Variants in CNTNAP3 observed in about 807,000 individuals in gnomAD.
The protein encoded by CNTNAP3 is contactin-associated protein-like 3.
A neutral mutation model predicts 92.1 loss-of-function variants in CNTNAP3; 36 were observed. The observed-to-expected ratio is 0.39, with a 90% CI of 0.30 to 0.52. CNTNAP3 has a LOEUF of 0.52. CNTNAP3 is among the 20% of genes least tolerant of loss of function. CNTNAP3 has a pLI of 0.76. For synonymous variants in CNTNAP3, 232 were observed against 422.3 expected, an observed-to-expected ratio of 0.55 and a Z score of 5.53; for missense variants, 534 against 1,069.6, an observed-to-expected ratio of 0.50 and a Z score of 6.98.
At chr9:39,162,090 G>A (rs1822088209) in intron 9 of CNTNAP3, among the ~76,000 whole-genome samples, 1 of 108,426 alleles carries the variant, frequency 9.2e-6, no homozygotes. Context: ...CACAAATTAT[G>A]CATCTGACAA....
chr9:39,097,688 A>C (rs1298093204), intron 18 of CNTNAP3, among the ~76,000 whole-genome samples: 1 of 147,458 alleles, frequency 6.8e-6, no homozygotes, highest in Non-Finnish European at 1.5e-5. Flanking sequence ...GGTAGAGAGG[A>C]AACCTCTGGC....
chr9:39,137,095 T>C (rs1821456340), intron 12 of CNTNAP3, among the ~76,000 whole-genome samples: 1 of 151,758 alleles, frequency 6.6e-6, no homozygotes, highest in Non-Finnish European at 1.5e-5. Flanking sequence ...TTCTTTCTTC[T>C]CCTAGAATTC....
At chr9:39,133,727 T>C (rs1480014899) in intron 12 of CNTNAP3, among the ~76,000 whole-genome samples, 1 of 151,912 alleles carries the variant, frequency 6.6e-6, no homozygotes, top group East Asian at 1.9e-4. Flanking sequence ...GCTGACATCA[T>C]TTCTGATGTA....
At chr9:39,076,503 T>G (rs1825767745) in intron 23 of CNTNAP3, among the ~76,000 whole-genome samples, 1 of 152,430 alleles carries the variant, frequency 6.6e-6, no homozygotes, top group African/African-American at 2.4e-5. Flanking sequence ...CTTACTGATT[T>G]CTAAGAGAAA....
At chr9:39,108,812 T>C (rs1826669609) in intron 15 of CNTNAP3, among the ~76,000 whole-genome samples, 1 of 152,198 alleles carries the variant, frequency 6.6e-6, no homozygotes, top group Admixed American at 6.5e-5. Context: ...CCTACCACTA[T>C]AGTTGTCTGA....
In CNTNAP3 at chr9:39,130,528, G is replaced by A. The variant is rs552389574; in HGVS notation, c.2080+2404C>T. 5.1e-5 allele frequency among the ~76,000 whole-genome samples: 7 copies of A among 137,074 alleles called. No homozygotes were observed. The South Asian group carries it at 6.8e-4, about 13-fold the overall frequency. The allele number at this position is 137,074 out of a possible 152,430, so 89.9% of individuals were successfully genotyped here. Reference sequence around the variant, plus strand: ...TTTTTTTTTTTTTTTGAGATGGAACGGAGTCTTGCTCTGTCGCCCAGGCTG... The same window carrying A: ...TTTTTTTTTTTTTTTGAGATGGAACAGAGTCTTGCTCTGTCGCCCAGGCTG... On this transcript the variant is annotated intron_variant, in intron 13 of 23. Transcript: ENST00000297668.
At chr9:39,136,378 A>G (rs1821436789) in intron 12 of CNTNAP3, among the ~76,000 whole-genome samples, 1 of 152,100 alleles carries the variant, frequency 6.6e-6, no homozygotes, top group Admixed American at 6.6e-5. Context: ...TGTCAGGAGC[A>G]TACATATTAA....
rs1825529393 is a variant in CNTNAP3 at position 39,067,306 on chromosome 9, G to T, written c.*6584C>A. ...GGTATGTGCTGGGTCATTTTAGATT[G>T]ATTTTTATCCTCATTATAGGTCCTA... On this transcript the variant is annotated 3_prime_UTR_variant, in exon 24 of 24. Transcript: ENST00000297668. Among the ~76,000 whole-genome samples the T allele has an allele frequency of 6.6e-6, 1 of 152,426 alleles. No individual in the cohort carries two copies.
At chr9:39,135,002 T>C (rs1269630841) in intron 12 of CNTNAP3, among the ~76,000 whole-genome samples, 1 of 152,164 alleles carries the variant, frequency 6.6e-6, no homozygotes, top group African/African-American at 2.4e-5. Flanking sequence ...AGAAATGCCC[T>C]CAGTACTGAG....
intron 12 of CNTNAP3, among the ~76,000 whole-genome samples, chr9:39,138,746 G>A (rs2104877): frequency 0.14 from 21,005 of 151,080 alleles, 1,007 homozygotes; most frequent in East Asian, 0.19. Context: ...CCAACAATTC[G>A]TCAATTAAGT....
At chr9:39,098,512 C>T (rs1826377296) in intron 18 of CNTNAP3, among the ~76,000 whole-genome samples, 1 of 152,100 alleles carries the variant, frequency 6.6e-6, no homozygotes, top group Non-Finnish European at 1.5e-5. Context: ...AATGTCTATC[C>T]TTAAGAAAAT....
At chr9:39,131,341 T>G (rs1326606926) in intron 13 of CNTNAP3, among the ~76,000 whole-genome samples, 1 of 152,170 alleles carries the variant, frequency 6.6e-6, no homozygotes, top group Non-Finnish European at 1.5e-5. Context: ...TGAGAAAGAT[T>G]AAGGAATGGC....
At chr9:39,168,444 CTA>C (rs1431786783) in intron 8 of CNTNAP3, among the ~76,000 whole-genome samples, 2 of 88,646 alleles carry the variant, frequency 2.3e-5, no homozygotes, top group Non-Finnish European at 4.5e-5. Flanking sequence ...CCTGGTTCCT[CTA>C]CCCCATCCCA....
intron 13 of CNTNAP3, among the ~76,000 whole-genome samples, chr9:39,130,495 C>CTTTTTTT (rs58074019): frequency 1.8e-5 from 2 of 111,196 alleles, no homozygotes; most frequent in African/African-American, 7.2e-5. Context: ...AGGAGGAATT[C>CTTTTTTT]TTTTTTTTTT....
At chr9:39,111,628 A>G (rs528609752) in intron 14 of CNTNAP3, among the ~76,000 whole-genome samples, 12 of 152,312 alleles carry the variant, frequency 7.9e-5, no homozygotes, top group African/African-American at 2.6e-4. Flanking sequence ...GGTGGTAGCC[A>G]TTAAAAATTA....
intron 18 of CNTNAP3, among the ~76,000 whole-genome samples, chr9:39,096,358 C>G (rs1162286611): frequency 6.7e-6 from 1 of 149,514 alleles, no homozygotes; most frequent in Non-Finnish European, 1.5e-5. Flanking sequence ...AGGCTAATAG[C>G]AGTGAATTCT....
chr9:39,154,856 C>T lies in CNTNAP3; in HGVS notation c.1478-4879G>A, dbSNP rs192780798. 107 of 227,448 alleles carry T rather than the reference C, an allele frequency of 4.7e-4. 1 individual carries two copies. Among genetic ancestry groups the T allele is most frequent in the African/African-American group, 2.0e-3 (85 of 42,126 alleles). 14.1% of individuals were successfully genotyped at this position (227,448 alleles called of 1,614,324 possible). On this transcript the variant is annotated intron_variant, in intron 9 of 23. Coordinates refer to ENST00000297668, the MANE Select transcript of CNTNAP3 (RefSeq NM_033655.5). ...CCTCGGGGAGCACCTGCAGGGGCTG[C>T]GAGATGCCTTTCCGGTGGGGAAGAC...
chr9:39,075,082 C>G (rs1264813009), intron 23 of CNTNAP3, among the ~76,000 whole-genome samples: 2 of 152,252 alleles, frequency 1.3e-5, no homozygotes, highest in Non-Finnish European at 2.9e-5. Flanking sequence ...ATATACTTCT[C>G]AAACGCAGTA....
rs1338378827 is a variant in CNTNAP3, at chr9:39,085,839, T to C, written c.3355-16A>G. The C allele has an allele frequency of 6.5e-7, 1 of 1,539,138 alleles. No homozygotes were observed. The highest frequency in any genetic ancestry group is 8.9e-7 in the Non-Finnish European group (1 of 1,119,678). On this transcript the variant is annotated splice_polypyrimidine_tract_variant and intron_variant, in intron 20 of 23. Transcript: ENST00000297668. ...TCTGGTTAACCTATTAGATGTCCCATGAGAAGCAAACATCAACAGAAAGTA... is the reference window on the plus strand; with the variant it reads ...TCTGGTTAACCTATTAGATGTCCCACGAGAAGCAAACATCAACAGAAAGTA...
Sources: gnomAD v4.1 joint callset for allele counts (sites outside exome capture counted in the v4.1 genomes callset) on GRCh38, gnomAD v4.1.1 for gene constraint, MANE v1.5 for transcripts, NCBI Gene and HGNC (gene_info 2026-07-23, HGNC 2026-07-21) for gene names.